TIA1: variants seen among roughly 807,000 people sequenced by gnomAD.
The protein encoded by TIA1 is cytotoxic granule associated RNA binding protein TIA1.
A neutral mutation model predicts 65.9 loss-of-function variants in TIA1; 23 were observed. The ratio of observed to expected loss-of-function variants is 0.35; its 90% CI spans 0.25 to 0.49. The LOEUF (loss-of-function observed/expected upper bound fraction) is 0.49. Ranked by LOEUF, TIA1 falls within the 20% of genes least tolerant of loss-of-function variation. The pLI is 0.98. For missense variants in TIA1, 371 were observed against 477.9 expected (o/e 0.78, Z 2.09); for synonymous variants, 147 against 149.4 (o/e 0.98, Z 0.12).
intron 7 of TIA1, among the ~76,000 whole-genome samples, chr2:70,219,334 G>GTAGCA (rs1231939082): frequency 2.0e-5 from 3 of 152,210 alleles, no homozygotes; most frequent in East Asian, 1.9e-4. Flanking sequence ...TGAAAATAGA[G>GTAGCA]TAGCATTGGT....
chr2:70,225,301 A>C (rs1683334966), intron 6 of TIA1: 1 of 1,254,908 alleles, frequency 8.0e-7, no homozygotes, highest in African/African-American at 1.6e-5. Flanking sequence ...AATTTTAAAA[A>C]GTCAGAAAGT....
intron 2 of TIA1, among the ~76,000 whole-genome samples, chr2:70,232,282 T>G (rs1686766484): frequency 6.7e-6 from 1 of 150,280 alleles, no homozygotes; most frequent in African/African-American, 2.4e-5. Flanking sequence ...GGCTCACACC[T>G]GTAATCCCAG....
chr2:70,215,704 G>C, intron 10 of TIA1: 1 of 490,116 alleles, frequency 2.0e-6, no homozygotes, highest in South Asian at 2.8e-5. Context: ...GTTAGGGAGG[G>C]AGCTATAAAA....
chr2:70,247,630 A>C (rs547123144), intron 1 of TIA1, among the ~76,000 whole-genome samples: 8 of 152,130 alleles, frequency 5.3e-5, no homozygotes, highest in African/African-American at 1.7e-4. Context: ...ATTTAACGCT[A>C]TCTCTAAAAA....
At chr2:70,240,447 G>A (rs189656766) in intron 1 of TIA1, among the ~76,000 whole-genome samples, 1 of 152,334 alleles carries the variant, frequency 6.6e-6, no homozygotes, top group African/African-American at 2.4e-5. Context: ...TTGAATAAAA[G>A]GGAGTGGTGG....
chr2:70,222,219 A>C (rs1681759817), intron 7 of TIA1, among the ~76,000 whole-genome samples: 1 of 152,198 alleles, frequency 6.6e-6, no homozygotes, highest in Non-Finnish European at 1.5e-5. Flanking sequence ...ATGGGGACAC[A>C]ATCATAAGTG....
At chr2:70,235,541 A>AGTGTGTGTGTGT (rs145663932) in intron 2 of TIA1, among the ~76,000 whole-genome samples, 3,155 of 147,288 alleles carry the variant, frequency 0.021, 67 homozygotes, top group African/African-American at 0.054. Flanking sequence ...TAGATGAATG[A>AGTGTGTGTGTGT]GTGTGTGTGT....
intron 10 of TIA1, 83 bp downstream of exon 10, chr2:70,216,125 G>A: frequency 4.3e-6 from 5 of 1,174,566 alleles, no homozygotes; most frequent in Non-Finnish European, 5.9e-6. Flanking sequence ...TATTTTGGAG[G>A]AAAAAGTTTT....
chr2:70,235,338 C>CCGGGAGG (rs1360952411), intron 2 of TIA1, among the ~76,000 whole-genome samples: 3 of 152,122 alleles, frequency 2.0e-5, no homozygotes, highest in Non-Finnish European at 4.4e-5. Context: ...TTGCTTGAAC[C>CCGGGAGG]CGGGAGGCGG....
At chr2:70,233,661 G>C (rs1218943942) in intron 2 of TIA1, among the ~76,000 whole-genome samples, 1 of 152,058 alleles carries the variant, frequency 6.6e-6, no homozygotes, top group African/African-American at 2.4e-5. Context: ...AGCTACTTAG[G>C]AGGCTGAGGC....
At chr2:70,234,837 G>C (rs903083671) in intron 2 of TIA1, among the ~76,000 whole-genome samples, 2 of 152,038 alleles carry the variant, frequency 1.3e-5, no homozygotes, top group African/African-American at 2.4e-5. Context: ...TGGGATTACA[G>C]GTGTGAGCCA....
rs762377673 is a variant in TIA1, at chr2:70,248,370, C to A, written c.26+35G>T. On this transcript the variant is annotated intron_variant, in intron 1 of 12. Coordinates refer to ENST00000433529, the MANE Select transcript of TIA1 (RefSeq NM_022173.4). ...CGAGGCCTTCCCTCCGGGACGACCA[C>A]CATCCCGCCTCCCTCATCGCTGCCC... 3.1e-6 allele frequency: 5 copies of A among 1,595,920 alleles called. No individual in the cohort carries two copies. The South Asian group carries it at 5.5e-5, about 18-fold the overall frequency.
intron 1 of TIA1, among the ~76,000 whole-genome samples, chr2:70,245,389 T>C (rs1693848758): frequency 6.6e-6 from 1 of 152,162 alleles, no homozygotes; most frequent in African/African-American, 2.4e-5. Context: ...AGAACACTCA[T>C]GCATTTGAGA....
chr2:70,224,453 A>G lies in TIA1; in HGVS notation c.474+101T>C, dbSNP rs1266165910. ...CTAGTGAGGGTTTATTTTAATCATC[A>G]GTAAAATAAACAGCAGACGAAAAAA... On this transcript the variant is annotated intron_variant, in intron 7 of 12. Coordinates refer to ENST00000433529, the MANE Select transcript of TIA1 (RefSeq NM_022173.4). The G allele has an allele frequency of 4.0e-6, 6 of 1,512,284 alleles. No homozygotes were observed. The African/African-American group carries it at 5.6e-5, about 14-fold the overall frequency. The allele number at this position is 1,512,284 out of a possible 1,614,324, so 93.7% of individuals were successfully genotyped here.
In TIA1 at chr2:70,212,442, A is replaced by G; in HGVS notation, c.*277T>C. The G allele has an allele frequency of 3.5e-6, 1 of 287,594 alleles. No homozygotes were observed. The highest frequency in any genetic ancestry group is 6.8e-6 in the Non-Finnish European group (1 of 146,552). The allele number at this position is 287,594 out of a possible 1,614,324, so 17.8% of individuals were successfully genotyped here. ...AATTTTCTGCCTCTTAATAGTTAAA[A>G]AGTGGCAGCAATCCCTGCATTTGTG... On this transcript the variant is annotated 3_prime_UTR_variant, in exon 13 of 13. Transcript: ENST00000433529.
Position 70,211,974 on chromosome 2 carries a change from AT to A in TIA1, c.*744del, listed in dbSNP as rs1676593992. ...TACACAGCAAAGTTTATCACGAAAG[AT>A]AAAAATCCTTTTAAACAAATCCAAC... is the stretch of plus-strand genomic sequence containing the variant. On this transcript the variant is annotated 3_prime_UTR_variant, in exon 13 of 13. Transcript: ENST00000433529. The A allele has an allele frequency of 2.0e-5, 3 of 152,602 alleles. No homozygotes were observed. Among genetic ancestry groups the A allele is most frequent in the Admixed American group, 2.0e-4 (3 of 15,278 alleles). 9.5% of individuals were successfully genotyped at this position (152,602 alleles called of 1,614,324 possible). A position where few individuals can be genotyped will look rare whatever the true frequency, so the allele number is the denominator to read the frequency against.
At chr2:70,238,021 C>T (rs970814178) in intron 1 of TIA1, among the ~76,000 whole-genome samples, 56 of 151,382 alleles carry the variant, frequency 3.7e-4, no homozygotes, top group Non-Finnish European at 5.9e-4. Context: ...ATTAGCTGGG[C>T]GTGGTGGTGG....
At chr2:70,242,347 T>C (rs560910984) in intron 1 of TIA1, among the ~76,000 whole-genome samples, 2 of 151,380 alleles carry the variant, frequency 1.3e-5, no homozygotes, top group African/African-American at 4.8e-5. Context: ...GCCTGGCCAA[T>C]ATGTTGAAAC....
chr2:70,236,315 C>G, intron 1 of TIA1, 140 bp from the exon 2 acceptor site: 1 of 538,222 alleles, frequency 1.9e-6, no homozygotes, highest in Admixed American at 3.2e-5. Flanking sequence ...TCCCCTGCCT[C>G]AGCCTCCCCG....
Sources: allele counts gnomAD v4.1 joint callset (sites outside exome capture counted in the v4.1 genomes callset), GRCh38; gene constraint gnomAD v4.1.1; transcripts MANE v1.5; gene names NCBI Gene and HGNC (gene_info 2026-07-23, HGNC 2026-07-21).